DNM1L: variants seen among roughly 807,000 people sequenced by gnomAD.
DNM1L encodes the protein dynamin 1L.
In DNM1L, 33 loss-of-function variants were observed where a neutral mutation model predicts 92.8. The observed-to-expected ratio is 0.36, with a 90% confidence interval of 0.27 to 0.48. The LOEUF is 0.48. Among genes scored for constraint, DNM1L ranks in the 20% least tolerant of loss-of-function variants. DNM1L has a pLI of 0.99. For synonymous variants in DNM1L, 284 were observed against 305.0 expected (o/e 0.93, Z 0.72); for missense variants, 485 against 888.8 (o/e 0.55, Z 5.78).
At chr12:32,705,986 T>A (rs1189039310) in intron 2 of DNM1L, 13 of 872,698 alleles carry the variant, frequency 1.5e-5, no homozygotes, top group Non-Finnish European at 2.1e-5. Context: ...CCACATTGAT[T>A]GCAGGTTTTA....
At chr12:32,711,743 A>C (rs1194295674) in intron 5 of DNM1L, among the ~76,000 whole-genome samples, 1 of 152,060 alleles carries the variant, frequency 6.6e-6, no homozygotes, top group Non-Finnish European at 1.5e-5. Flanking sequence ...AAAAATACAA[A>C]AATTAGTCGG....
At position 32,744,418 on chromosome 12, in the gene DNM1L, A is replaced by T. The variant is rs796901831; in HGVS notation, c.*1008A>T. On this transcript the variant is annotated 3_prime_UTR_variant, in exon 20 of 20. Transcript: ENST00000549701. ...GTATGAAAGTACTGGAGGAGCTGAA[A>T]GAAAAACACCCAAGGCTGGGCGTGG... is the stretch of plus-strand genomic sequence containing the variant. The T allele has an allele frequency of 5.0e-5, 8 of 160,770 alleles. No homozygotes were observed. The highest frequency in any genetic ancestry group is 1.9e-4 in the African/African-American group (8 of 41,622). 10.0% of individuals were successfully genotyped at this position (160,770 alleles called of 1,614,324 possible).
At chr12:32,735,242 T>C (rs992946800) in intron 13 of DNM1L, among the ~76,000 whole-genome samples, 1 of 152,166 alleles carries the variant, frequency 6.6e-6, no homozygotes, top group African/African-American at 2.4e-5. Flanking sequence ...ATTTAATCTT[T>C]ACCATACCCT....
chr12:32,693,995 G>A (rs1952333148), intron 1 of DNM1L, among the ~76,000 whole-genome samples: 1 of 151,898 alleles, frequency 6.6e-6, no homozygotes, highest in South Asian at 2.1e-4. Context: ...AAGAAACCTG[G>A]TATCCATTAG....
In DNM1L at chr12:32,739,888, A is replaced by G. The variant is rs542496036; in HGVS notation, c.1708-176A>G. 22 of 702,516 alleles carry G rather than the reference A, an allele frequency of 3.1e-5. No homozygotes were observed. In the South Asian group the frequency reaches 4.2e-4, roughly 13 times the overall value. The allele number at this position is 702,516 out of a possible 1,614,324, so 43.5% of individuals were successfully genotyped here. On this transcript the variant is annotated intron_variant, in intron 16 of 19. Coordinates refer to ENST00000549701, the MANE Select transcript of DNM1L (RefSeq NM_012062.5). ...AGCAGAACTTCTTTATTATTTAGAT[A>G]GGTCAGGGTTCCAGTTATACATGCT...
chr12:32,686,951 T>C (rs926664182), intron 1 of DNM1L, among the ~76,000 whole-genome samples: 56 of 144,668 alleles, frequency 3.9e-4, no homozygotes, highest in Non-Finnish European at 4.5e-5. Context: ...TTTTTTTTTT[T>C]TTTTTGAGAT....
chr12:32,680,061 A>C, intron 1 of DNM1L: 3 of 957,290 alleles, frequency 3.1e-6, no homozygotes, highest in Non-Finnish European at 3.7e-6. Context: ...CATTTTAAAA[A>C]AAGAAAAACA....
chr12:32,686,452 T>C (rs188444911), intron 1 of DNM1L, among the ~76,000 whole-genome samples: 2 of 152,326 alleles, frequency 1.3e-5, no homozygotes, highest in East Asian at 3.9e-4. Context: ...AAAACTACTA[T>C]TGAGCTGTCA....
chr12:32,713,288 C>G lies in DNM1L; in HGVS notation c.536C>G (p.Ser179Cys). 4 of 1,613,892 alleles carry G rather than the reference C, an allele frequency of 2.5e-6. No homozygotes were observed. Among genetic ancestry groups the G allele is most frequent in the Non-Finnish European group, 2.5e-6 (3 of 1,179,934 alleles). Residue 179 changes from serine to cysteine, a missense_variant, in exon 6 of 20, where the codon TCC becomes TGC. By Grantham distance (112) the Ser-to-Cys change is moderately radical (BLOSUM62 -1). This residue lies in a region of DNM1L where 159 missense variants were observed against 275.9 expected (regional missense o/e 0.58). Transcript: ENST00000549701. ...CTTCGGTTCATCAGTAATCCTAATT[C>G]CATTATCCTCGCTGTCACTGCTGCT... ...LILRFISNPN[S>C]IILAVTAANT...
intron 2 of DNM1L, among the ~76,000 whole-genome samples, chr12:32,703,085 C>A (rs1415744622): frequency 7.1e-6 from 1 of 140,764 alleles, no homozygotes; most frequent in African/African-American, 2.6e-5. Flanking sequence ...TTTCCATTTT[C>A]TTCTGTCACC....
intron 1 of DNM1L, among the ~76,000 whole-genome samples, chr12:32,691,830 A>G (rs760114498): frequency 3.9e-5 from 6 of 152,198 alleles, no homozygotes; most frequent in Non-Finnish European, 5.9e-5. Flanking sequence ...ATAAAAGACA[A>G]AAGTTCCCCA....
At chr12:32,680,161 T>C (rs1227223023) in intron 1 of DNM1L, among the ~76,000 whole-genome samples, 1 of 152,234 alleles carries the variant, frequency 6.6e-6, no homozygotes, top group Non-Finnish European at 1.5e-5. Context: ...AGTTTTGTGA[T>C]CGTGACCTAA....
At chr12:32,737,670 C>A (rs1592680635) in intron 14 of DNM1L, 195 bp from the exon 15 acceptor site, 1 of 564,982 alleles carries the variant, frequency 1.8e-6, no homozygotes, top group Non-Finnish European at 3.1e-6. Context: ...CTTATGTATT[C>A]ATCTGAAGGA....
chr12:32,727,376 T>G, intron 9 of DNM1L: 1 of 777,624 alleles, frequency 1.3e-6, no homozygotes, highest in South Asian at 1.3e-5. Flanking sequence ...TCTGCCATGT[T>G]GTAAGAACTC....
chr12:32,697,664 G>A (rs1209127797), intron 1 of DNM1L, among the ~76,000 whole-genome samples: 1 of 152,110 alleles, frequency 6.6e-6, no homozygotes, highest in East Asian at 1.9e-4. Context: ...GTTTATGTTA[G>A]GGGTGGGTGA....
chr12:32,695,374 T>G (rs141594636), intron 1 of DNM1L, among the ~76,000 whole-genome samples: 1 of 152,124 alleles, frequency 6.6e-6, no homozygotes, highest in Non-Finnish European at 1.5e-5. Flanking sequence ...TGTGAGATAT[T>G]AAGACAAAAG....
At chr12:32,722,328 A>AT in intron 8 of DNM1L, 99 bp from the exon 9 acceptor site, 1 of 991,168 alleles carries the variant, frequency 1.0e-6, no homozygotes, top group South Asian at 1.4e-5. Context: ...GCCAGGACAA[A>AT]TTATTTGATA....
intron 18 of DNM1L, among the ~76,000 whole-genome samples, chr12:32,741,855 G>A (rs987195422): frequency 5.3e-5 from 8 of 152,062 alleles, no homozygotes; most frequent in African/African-American, 7.2e-5. Context: ...TACCATCTAC[G>A]TTTGTGTAAG....
chr12:32,740,627 A>G (rs1165634380), intron 18 of DNM1L, 109 bp downstream of exon 18: 7 of 1,016,726 alleles, frequency 6.9e-6, no homozygotes, highest in Non-Finnish European at 1.0e-5. Context: ...ATTCTAAATC[A>G]TCAAGTGGAT....
Sources: allele counts gnomAD v4.1 joint callset (sites outside exome capture counted in the v4.1 genomes callset), GRCh38; gene constraint gnomAD v4.1.1; regional missense constraint gnomAD v4.1.1; transcripts MANE v1.5; gene names NCBI Gene and HGNC (gene_info 2026-07-23, HGNC 2026-07-21).